The following PKIB variants were observed in gnomAD, a reference collection of about 807,000 sequenced individuals.
The protein encoded by PKIB is PKI-beta.
A neutral mutation model predicts 4.5 loss-of-function variants in PKIB; 2 were observed. That is an observed-to-expected ratio of 0.44 (90% CI 0.18 to 1.39). PKIB has a LOEUF of 1.39. Ranked by LOEUF, PKIB falls within the 40% of genes most tolerant of loss-of-function variation. PKIB has a pLI of 0.27. For synonymous variants in PKIB, 38 were observed against 36.0 expected, an observed-to-expected ratio of 1.06 and a Z score of -0.20; for missense variants, 94 against 92.6, an observed-to-expected ratio of 1.02 and a Z score of -0.06.
chr6:122,577,368 A>T lies in PKIB; in HGVS notation c.-247-8553A>T, dbSNP rs528349786. Among the ~76,000 whole-genome samples, 3 of 152,244 alleles carry T rather than the reference A, an allele frequency of 2.0e-5. 1 individual carries two copies. The South Asian group carries it at 6.2e-4, about 32-fold the overall frequency. ...AGCAATTTATGGCCCTTGAATTTGG[A>T]TTCATTTTGTTTGTATATTTTTTCT... On this transcript the variant is annotated intron_variant, in intron 2 of 6. Coordinates refer to the PKIB transcript ENST00000392491.
At chr6:122,559,791 T>A (rs1455976951) in intron 2 of PKIB, among the ~76,000 whole-genome samples, 1 of 152,154 alleles carries the variant, frequency 6.6e-6, no homozygotes, top group Non-Finnish European at 1.5e-5. Context: ...AGAATTTTAT[T>A]TTTTGGCAGC....
At chr6:122,655,517 G>C (rs1194680018) in intron 2 of PKIB, among the ~76,000 whole-genome samples, 1 of 152,082 alleles carries the variant, frequency 6.6e-6, no homozygotes, top group African/African-American at 2.4e-5. Context: ...TGAATCTGCT[G>C]GTGCCTCCAT....
chr6:122,515,706 C>A (rs758599750), intron 2 of PKIB, among the ~76,000 whole-genome samples: 4 of 152,082 alleles, frequency 2.6e-5, no homozygotes, highest in Non-Finnish European at 4.4e-5. Context: ...TAAACTATTT[C>A]TTCATGAGTT....
chr6:122,719,118 T>A (rs1779620982), intron 4 of PKIB, among the ~76,000 whole-genome samples: 1 of 152,140 alleles, frequency 6.6e-6, no homozygotes, highest in Non-Finnish European at 1.5e-5. Flanking sequence ...TCTAAACTAG[T>A]GAGGTAGAGA....
chr6:122,627,238 C>T (rs1408761166), intron 1 of PKIB, among the ~76,000 whole-genome samples: 2 of 150,420 alleles, frequency 1.3e-5, no homozygotes, highest in Non-Finnish European at 3.0e-5. Flanking sequence ...AGTTAGACTC[C>T]GTCTCCAAAA....
intron 1 of PKIB, among the ~76,000 whole-genome samples, chr6:122,624,433 A>G (rs1300875639): frequency 6.6e-6 from 1 of 152,196 alleles, no homozygotes; most frequent in Admixed American, 6.5e-5. Context: ...ATGTGAAGAC[A>G]TATTGTCTTT....
intron 4 of PKIB, 76 bp downstream of exon 4, chr6:122,718,039 T>A: frequency 6.9e-7 from 1 of 1,444,448 alleles, no homozygotes; most frequent in Non-Finnish European, 9.3e-7. Flanking sequence ...ACAGTCTTTC[T>A]TTTATCTAGT....
intron 2 of PKIB, among the ~76,000 whole-genome samples, chr6:122,540,512 G>C (rs1462738659): frequency 6.6e-6 from 1 of 151,966 alleles, no homozygotes; most frequent in Non-Finnish European, 1.5e-5. Flanking sequence ...TCTTAGTCCT[G>C]AGTTCTAGTT....
At chr6:122,589,064 A>G (rs760415875) in intron 3 of PKIB, among the ~76,000 whole-genome samples, 1 of 152,154 alleles carries the variant, frequency 6.6e-6, no homozygotes, top group Non-Finnish European at 1.5e-5. Context: ...TAGCACAGGA[A>G]TATCTCTTCA....
At chr6:122,677,842 TCTTC>T (rs66707245) in intron 3 of PKIB, among the ~76,000 whole-genome samples, 2,393 of 141,148 alleles carry the variant, frequency 0.017, 30 homozygotes, top group East Asian at 0.069. Flanking sequence ...AGCTTTCTTT[TCTTC>T]CTTCCTTCCT....
intron 2 of PKIB, among the ~76,000 whole-genome samples, chr6:122,547,703 C>A (rs1018240009): frequency 1.3e-5 from 2 of 152,170 alleles, no homozygotes; most frequent in Admixed American, 6.5e-5. Flanking sequence ...TCCAGCCACT[C>A]CCACGCACAG....
At chr6:122,516,656 A>G (rs9388080) in intron 2 of PKIB, among the ~76,000 whole-genome samples, 21,156 of 152,176 alleles carry the variant, frequency 0.14, 1,578 homozygotes, top group East Asian at 0.26. Flanking sequence ...GACGTATAGC[A>G]GGAGCCAGAT....
intron 2 of PKIB, among the ~76,000 whole-genome samples, chr6:122,568,719 C>G (rs962469619): frequency 5.9e-5 from 9 of 152,172 alleles, no homozygotes; most frequent in Admixed American, 5.2e-4. Context: ...GGAACAAACT[C>G]CCTTGACCAG....
chr6:122,667,152 A>G (rs965944927), intron 2 of PKIB, among the ~76,000 whole-genome samples: 1 of 152,226 alleles, frequency 6.6e-6, no homozygotes, highest in Admixed American at 6.5e-5. Flanking sequence ...GCGTCTATGT[A>G]TGTAACAATA....
chr6:122,672,593 A>G (rs1777510995), intron 2 of PKIB, among the ~76,000 whole-genome samples: 1 of 152,186 alleles, frequency 6.6e-6, no homozygotes, highest in Admixed American at 6.5e-5. Flanking sequence ...GAATGGAGAA[A>G]GAATCAGACC....
At chr6:122,553,739 T>A (rs1195878586) in intron 2 of PKIB, among the ~76,000 whole-genome samples, 1 of 152,070 alleles carries the variant, frequency 6.6e-6, no homozygotes, top group Admixed American at 6.6e-5. Context: ...TACAGTTTCC[T>A]CCATAGAGAA....
Position 122,699,938 on chromosome 6 carries a change from T to C in PKIB, c.-8-17849T>C, listed in dbSNP as rs138040499. 5.0e-3 allele frequency among the ~76,000 whole-genome samples: 767 copies of C among 152,250 alleles called. 3 individuals are homozygous for C. The highest frequency in any genetic ancestry group is 9.1e-3 in the Non-Finnish European group (618 of 68,010). Reference sequence around the variant, plus strand: ...TCCCCTAATGTTATGGGGGATACCATGTTTAAATTTAGGAAGATCCTAGTC... The same window carrying C: ...TCCCCTAATGTTATGGGGGATACCACGTTTAAATTTAGGAAGATCCTAGTC... On this transcript the variant is annotated intron_variant, in intron 3 of 4. Transcript: ENST00000368452.
At chr6:122,488,833 T>C (rs1775851506) in intron 2 of PKIB, among the ~76,000 whole-genome samples, 2 of 152,156 alleles carry the variant, frequency 1.3e-5, no homozygotes, top group Non-Finnish European at 1.5e-5. Context: ...TACACAAACA[T>C]TTGTATCTAC....
chr6:122,695,171 A>G (rs963491449), intron 3 of PKIB, among the ~76,000 whole-genome samples: 4 of 152,226 alleles, frequency 2.6e-5, no homozygotes, highest in Non-Finnish European at 4.4e-5. Context: ...ATTGACCTCA[A>G]TATTTTTAAT....
Sources: gnomAD v4.1 joint callset for allele counts (sites outside exome capture counted in the v4.1 genomes callset) on GRCh38, gnomAD v4.1.1 for gene constraint, MANE v1.5 for transcripts, NCBI Gene and HGNC (gene_info 2026-07-23, HGNC 2026-07-21) for gene names.